HHIP: variants seen among roughly 807,000 people sequenced by gnomAD.
The protein encoded by HHIP is hedgehog-interacting protein.
HHIP carries 12 observed loss-of-function variants against 74.0 expected under a neutral mutation model. The ratio of observed to expected loss-of-function variants is 0.16; its 90% CI spans 0.10 to 0.26. The LOEUF is 0.26. Among genes scored for constraint, HHIP ranks in the 10% least tolerant of loss-of-function variants. The pLI is 1.00. For synonymous variants in HHIP, 309 were observed against 311.6 expected (o/e 0.99, Z 0.09); for missense variants, 788 against 845.0 (o/e 0.93, Z 0.84).
chr4:144,652,578 AG>A, intron 1 of HHIP, 26 bp from the exon 2 acceptor site: 1 of 1,464,468 alleles, frequency 6.8e-7, no homozygotes, highest in South Asian at 1.2e-5. Context: ...TACTAAAAAA[AG>A]TTTGCTTCTG....
chr4:144,668,700 C>T (rs575375615), intron 4 of HHIP, among the ~76,000 whole-genome samples: 9 of 151,996 alleles, frequency 5.9e-5, no homozygotes, highest in African/African-American at 2.2e-4. Context: ...TGCAGTGAGC[C>T]GAGATCACGC....
At chr4:144,713,213 G>A (rs1730350174) in intron 8 of HHIP, among the ~76,000 whole-genome samples, 1 of 152,086 alleles carries the variant, frequency 6.6e-6, no homozygotes, top group Non-Finnish European at 1.5e-5. Flanking sequence ...GTACAAATGA[G>A]GAAACTGAGG....
chr4:144,665,244 GT>G (rs1211272084), intron 4 of HHIP, among the ~76,000 whole-genome samples: 1 of 151,724 alleles, frequency 6.6e-6, no homozygotes, highest in Non-Finnish European at 1.5e-5. Flanking sequence ...AATTTTTGTA[GT>G]TTTAGTAGAG....
chr4:144,737,418 C>A (rs1055608149), intron 12 of HHIP, among the ~76,000 whole-genome samples: 1 of 152,182 alleles, frequency 6.6e-6, no homozygotes, highest in African/African-American at 2.4e-5. Flanking sequence ...GAACATAGAG[C>A]TTGGGAGGCC....
At chr4:144,703,107 G>A (rs980679788) in intron 4 of HHIP, among the ~76,000 whole-genome samples, 3 of 151,884 alleles carry the variant, frequency 2.0e-5, no homozygotes, top group Admixed American at 1.3e-4. Context: ...CCAAGTACCC[G>A]GGAGGCTGAG....
At chr4:144,700,826 G>T (rs1269252681) in intron 4 of HHIP, among the ~76,000 whole-genome samples, 1 of 152,170 alleles carries the variant, frequency 6.6e-6, no homozygotes, top group Non-Finnish European at 1.5e-5. Context: ...GTTATTTCAA[G>T]CCACAAAGTT....
chr4:144,682,497 T>C (rs1729374815), intron 4 of HHIP, among the ~76,000 whole-genome samples: 1 of 152,254 alleles, frequency 6.6e-6, no homozygotes, highest in Admixed American at 6.5e-5. Flanking sequence ...TCTCTATCTC[T>C]GTTCAATTTT....
chr4:144,720,499 T>C (rs1022265919), intron 11 of HHIP, among the ~76,000 whole-genome samples: 3 of 152,134 alleles, frequency 2.0e-5, no homozygotes, highest in Admixed American at 1.3e-4. Flanking sequence ...TGTGGCTGAG[T>C]TTAGGTGCAT....
chr4:144,716,890 T>TAAAAAAAAAAAAAAAAAAAAAAAA, intron 10 of HHIP, among the ~76,000 whole-genome samples: 1 of 68,304 alleles, frequency 1.5e-5, no homozygotes, highest in African/African-American at 5.2e-5. Flanking sequence ...AAAAAAAAAG[T>TAAAAAAAAAAAAAAAAAAAAAAAA]AAAAGAATGG....
At chr4:144,685,120 T>A (rs1729453125) in intron 4 of HHIP, among the ~76,000 whole-genome samples, 1 of 152,202 alleles carries the variant, frequency 6.6e-6, no homozygotes, top group South Asian at 2.1e-4. Flanking sequence ...CATACCAATA[T>A]CATTTTCCTG....
chr4:144,698,812 T>C (rs72948484), intron 4 of HHIP, among the ~76,000 whole-genome samples: 6,551 of 152,242 alleles, frequency 0.043, 459 homozygotes, highest in African/African-American at 0.15. Context: ...TTATGTCTTT[T>C]CCCAAACTTA....
chr4:144,706,985 T>A (rs962179149), intron 5 of HHIP, 102 bp from the exon 6 acceptor site: 3 of 903,890 alleles, frequency 3.3e-6, no homozygotes, highest in Non-Finnish European at 3.5e-6. Flanking sequence ...TTATTTACTA[T>A]GTGCCAGGAG....
In HHIP at chr4:144,736,136, C is replaced by CTTTTT. The variant is rs36088965; in HGVS notation, c.1909+1260_1909+1264dup. The stretch of plus-strand genomic sequence containing the variant: ...CTAACAATATCTACTTTTTCTGCAT[C>CTTTTT]TTTTTTTTTTTTTTTTTGAGGTGGA... On this transcript the variant is annotated intron_variant, in intron 12 of 12. Transcript: ENST00000296575. Among the ~76,000 whole-genome samples the CTTTTT allele has an allele frequency of 6.2e-4, 79 of 128,220 alleles. 4 individuals are homozygous for CTTTTT. Among genetic ancestry groups the CTTTTT allele is most frequent in the South Asian group, 5.8e-3 (23 of 3,998 alleles). 84.1% of individuals were successfully genotyped at this position (128,220 alleles called of 152,430 possible).
chr4:144,688,560 G>C (rs1457124028), intron 4 of HHIP, among the ~76,000 whole-genome samples: 2 of 152,138 alleles, frequency 1.3e-5, no homozygotes, highest in Non-Finnish European at 1.5e-5. Flanking sequence ...AGAACTTATG[G>C]GGAAGAGTTA....
rs17019584 is a variant in HHIP, at chr4:144,651,785, A to G, written c.280-820A>G. Reference sequence around the variant, plus strand: ...TATCTGTCCACTAATTGCTAAACTCAATGATTCAATAACTCAAAATGGTCT... The same window carrying G: ...TATCTGTCCACTAATTGCTAAACTCGATGATTCAATAACTCAAAATGGTCT... On this transcript the variant is annotated intron_variant, in intron 1 of 12. Coordinates refer to ENST00000296575, the MANE Select transcript of HHIP (RefSeq NM_022475.3). Among the ~76,000 whole-genome samples the G allele has an allele frequency of 5.4e-3, 821 of 152,136 alleles. 8 individuals are homozygous for G. Among genetic ancestry groups the G allele is most frequent in the African/African-American group, 0.019 (800 of 41,550 alleles).
chr4:144,703,466 C>A (rs1487701379), intron 4 of HHIP, among the ~76,000 whole-genome samples: 1 of 152,076 alleles, frequency 6.6e-6, no homozygotes, highest in African/African-American at 2.4e-5. Flanking sequence ...CATAAAACCA[C>A]ACATAATGAA....
At chr4:144,668,264 C>G (rs1342566150) in intron 4 of HHIP, among the ~76,000 whole-genome samples, 1 of 151,854 alleles carries the variant, frequency 6.6e-6, no homozygotes, top group Non-Finnish European at 1.5e-5. Context: ...TTGCAGTGAG[C>G]CGAGATCGCG....
Position 144,658,961 on chromosome 4 carries a change from A to G in HHIP, c.629+15A>G. On this transcript the variant is annotated intron_variant, in intron 3 of 12. Coordinates refer to ENST00000296575, the MANE Select transcript of HHIP (RefSeq NM_022475.3). ...GAGATCAGCAGGTTCATAAAGATAA[A>G]TGCTCTTTAATCTTTTTAAAAAAAC... 6.3e-7 allele frequency: 1 copy of G among 1,586,606 alleles called. No homozygotes were observed. Among genetic ancestry groups the G allele is most frequent in the Non-Finnish European group, 8.6e-7 (1 of 1,164,500 alleles).
intron 7 of HHIP, among the ~76,000 whole-genome samples, chr4:144,711,456 G>A (rs771755910): frequency 2.0e-4 from 30 of 152,038 alleles, no homozygotes; most frequent in African/African-American, 5.8e-4. Flanking sequence ...GCCCGTATGC[G>A]TTAGGTATTT....
Sources: allele counts gnomAD v4.1 joint callset (sites outside exome capture counted in the v4.1 genomes callset), GRCh38; gene constraint gnomAD v4.1.1; transcripts MANE v1.5; gene names NCBI Gene and HGNC (gene_info 2026-07-23, HGNC 2026-07-21).